CEP85L: variants seen among roughly 807,000 people sequenced by gnomAD.
CEP85L encodes the protein centrosomal protein of 85 kDa-like.
CEP85L carries 60 observed loss-of-function variants against 100.3 expected under a neutral mutation model. The observed-to-expected ratio is 0.60, with a 90% CI of 0.49 to 0.74. CEP85L has a LOEUF of 0.74. Among genes scored for constraint, CEP85L ranks in the 30% least tolerant of loss-of-function variants. CEP85L has a pLI of 0.00. For missense variants in CEP85L, 973 were observed against 936.2 expected (o/e 1.04, Z -0.51); for synonymous variants, 319 against 322.7 (o/e 0.99, Z 0.12).
chr6:118,607,778 C>T (rs924204253), intron 2 of CEP85L, among the ~76,000 whole-genome samples: 2 of 152,102 alleles, frequency 1.3e-5, no homozygotes, highest in Non-Finnish European at 2.9e-5. Context: ...GCATCTATTT[C>T]CTTTGGGTCG....
chr6:118,539,438 T>C (rs889080800), intron 3 of CEP85L, among the ~76,000 whole-genome samples: 4 of 152,228 alleles, frequency 2.6e-5, no homozygotes, highest in African/African-American at 7.2e-5. Flanking sequence ...CACTCTACGA[T>C]GTTTACACAA....
intron 3 of CEP85L, among the ~76,000 whole-genome samples, chr6:118,549,045 T>C (rs1778378438): frequency 1.3e-5 from 2 of 151,994 alleles, no homozygotes; most frequent in African/African-American, 4.8e-5. Context: ...GTTACTGATA[T>C]TAAATTCAAT....
At chr6:118,687,627 C>T (rs565601003) in intron 1 of CEP85L, among the ~76,000 whole-genome samples, 1 of 152,310 alleles carries the variant, frequency 6.6e-6, no homozygotes, top group South Asian at 2.1e-4. Flanking sequence ...GGCATTCGAG[C>T]CGGCAACAGC....
intron 1 of CEP85L, among the ~76,000 whole-genome samples, chr6:118,682,771 G>A (rs71559841): frequency 0.029 from 4,032 of 138,232 alleles, 209 homozygotes; most frequent in Admixed American, 0.11. Context: ...GCCTGAGCAT[G>A]CACACACACA....
chr6:118,707,297 C>A (rs1777623080), intron 1 of CEP85L, among the ~76,000 whole-genome samples: 1 of 151,362 alleles, frequency 6.6e-6, no homozygotes, highest in Non-Finnish European at 1.5e-5. Context: ...CTCAGATGAT[C>A]CTCTCACCAC....
chr6:118,509,279 T>C (rs941004460), intron 5 of CEP85L, among the ~76,000 whole-genome samples: 2 of 152,122 alleles, frequency 1.3e-5, no homozygotes, highest in African/African-American at 2.4e-5. Flanking sequence ...ATGATAATTA[T>C]ATAATTAAAG....
Position 118,479,941 on chromosome 6 carries a change from T to A in CEP85L, c.1864-20A>T, listed in dbSNP as rs752807738. 7.1e-6 allele frequency: 9 copies of A among 1,266,910 alleles called. No individual in the cohort carries two copies. The highest frequency in any genetic ancestry group is 3.1e-5 in the African/African-American group (2 of 64,868). 78.5% of individuals were successfully genotyped at this position (1,266,910 alleles called of 1,614,324 possible). A position where few individuals can be genotyped will look rare whatever the true frequency, so the allele number is the denominator to read the frequency against. On this transcript the variant is annotated intron_variant, in intron 9 of 12. Coordinates refer to ENST00000368491, the MANE Select transcript of CEP85L (RefSeq NM_001042475.3). ...TATTATCTAAAACAAAATAAATACA[T>A]CTGATTCAAATAATTTTTACATCGC...
intron 2 of CEP85L, among the ~76,000 whole-genome samples, chr6:118,600,298 GGGGTGTGTGTGTGTGTGTGTGTGTGT>G (rs1781675667): frequency 5.1e-5 from 3 of 59,150 alleles, no homozygotes; most frequent in Admixed American, 1.5e-4. Context: ...AGCCTTCCTG[GGGGTGTGTGTGTGTGTGTGTGTGTGT>G]GTGTGTGTGT....
At chr6:118,472,319 C>T (rs1249316573) in intron 10 of CEP85L, among the ~76,000 whole-genome samples, 2 of 152,032 alleles carry the variant, frequency 1.3e-5, no homozygotes, top group Non-Finnish European at 2.9e-5. Context: ...TGCCATTTAT[C>T]ACAAAAAGGA....
chr6:118,514,063 GAAGA>G (rs1397226039), intron 4 of CEP85L, among the ~76,000 whole-genome samples: 2 of 152,092 alleles, frequency 1.3e-5, no homozygotes, highest in African/African-American at 2.4e-5. Context: ...AGTATTACTT[GAAGA>G]TAGACTGCTA....
At chr6:118,677,165 C>G (rs1025035741) in intron 1 of CEP85L, among the ~76,000 whole-genome samples, 3 of 152,138 alleles carry the variant, frequency 2.0e-5, no homozygotes, top group African/African-American at 7.2e-5. Flanking sequence ...GACTCAAGTT[C>G]CTCATCTGCT....
chr6:118,522,712 T>C (rs985155483), intron 4 of CEP85L, among the ~76,000 whole-genome samples: 3 of 152,092 alleles, frequency 2.0e-5, no homozygotes, highest in Non-Finnish European at 2.9e-5. Flanking sequence ...ACCCTGTCCC[T>C]ACTAAAAAAT....
chr6:118,509,513 T>C (rs1303564133), intron 5 of CEP85L, among the ~76,000 whole-genome samples: 1 of 152,092 alleles, frequency 6.6e-6, no homozygotes, highest in African/African-American at 2.4e-5. Context: ...AAAAGGCAAG[T>C]TGGAGTCTCT....
Position 118,550,550 on chromosome 6 carries a change from T to C in CEP85L, c.1020+14979A>G, listed in dbSNP as rs199972183. Among the ~76,000 whole-genome samples, 5 of 151,890 alleles carry C rather than the reference T, an allele frequency of 3.3e-5. No homozygotes were observed. The East Asian group carries it at 7.7e-4, about 23-fold the overall frequency. The stretch of plus-strand genomic sequence containing the variant: ...ATTTCATTTGGTCCTCTTAATTATA[T>C]ATTTGATACTGCATCCCTATTCTAC... On this transcript the variant is annotated intron_variant, in intron 3 of 12. Transcript: ENST00000368491.
intron 3 of CEP85L, chr6:118,537,758 C>A: frequency 1.0e-6 from 1 of 985,336 alleles, no homozygotes; most frequent in Non-Finnish European, 1.2e-6. Flanking sequence ...TCCAGTGCTA[C>A]CACACTTGAC....
intron 2 of CEP85L, among the ~76,000 whole-genome samples, chr6:118,626,673 T>C (rs1773818511): frequency 1.3e-5 from 2 of 152,104 alleles, no homozygotes; most frequent in African/African-American, 4.8e-5. Context: ...TGTAGAAGCT[T>C]TGTACTTTCA....
chr6:118,567,198 AAT>A (rs1227758090), intron 2 of CEP85L, among the ~76,000 whole-genome samples: 6 of 111,060 alleles, frequency 5.4e-5, no homozygotes, highest in African/African-American at 2.2e-4. Context: ...TATATGTATG[AAT>A]ATATATGTAT....
chr6:118,577,024 C>T (rs1203764311), intron 2 of CEP85L, among the ~76,000 whole-genome samples: 1 of 152,184 alleles, frequency 6.6e-6, no homozygotes, highest in African/African-American at 2.4e-5. Context: ...CAAAATCCCA[C>T]AGCCTGGGGC....
chr6:118,678,422 CCCAAAGGCAGAT>C (rs1776546365), intron 1 of CEP85L, among the ~76,000 whole-genome samples: 1 of 152,194 alleles, frequency 6.6e-6, no homozygotes, highest in Non-Finnish European at 1.5e-5. Flanking sequence ...GTCCTTCATT[CCCAAAGGCAGAT>C]CTCAGCAGCA....
Sources: gnomAD v4.1 joint callset for allele counts (sites outside exome capture counted in the v4.1 genomes callset) on GRCh38, gnomAD v4.1.1 for gene constraint, MANE v1.5 for transcripts, NCBI Gene and HGNC (gene_info 2026-07-23, HGNC 2026-07-21) for gene names.